NRG2: variants seen among roughly 807,000 people sequenced by gnomAD.
The protein encoded by NRG2 is pro-neuregulin-2, membrane-bound isoform.
NRG2 carries 27 observed loss-of-function variants against 73.9 expected under a neutral mutation model. The observed-to-expected ratio is 0.37, with a 90% confidence interval of 0.27 to 0.50. The LOEUF is 0.50. Ranked by LOEUF, NRG2 falls within the 20% of genes least tolerant of loss-of-function variation. The pLI is 0.96. For synonymous variants in NRG2, 532 were observed against 541.0 expected, an observed-to-expected ratio of 0.98 and a Z score of 0.23; for missense variants, 1,126 against 1,210.1, an observed-to-expected ratio of 0.93 and a Z score of 1.03.
At chr5:139,889,776 T>C (rs942063078) in intron 1 of NRG2, among the ~76,000 whole-genome samples, 1 of 152,204 alleles carries the variant, frequency 6.6e-6, no homozygotes, top group Non-Finnish European at 1.5e-5. Flanking sequence ...ATCCAGACTT[T>C]GCTACTTGTT....
At chr5:139,871,596 T>G (rs754609775) in intron 4 of NRG2, 125 bp downstream of exon 4, 28 of 1,266,536 alleles carry the variant, frequency 2.2e-5, no homozygotes, top group Admixed American at 2.2e-4. Context: ...CAAAGCTTCC[T>G]GTCTACACCC....
chr5:139,998,211 C>T (rs1455359996), intron 1 of NRG2, among the ~76,000 whole-genome samples: 2 of 152,160 alleles, frequency 1.3e-5, no homozygotes, highest in Non-Finnish European at 2.9e-5. Flanking sequence ...TTGGGTAAAC[C>T]ACTTAACTTC....
chr5:140,024,021 G>C (rs748941372), intron 1 of NRG2, among the ~76,000 whole-genome samples: 2 of 152,104 alleles, frequency 1.3e-5, no homozygotes, highest in Non-Finnish European at 2.9e-5. Flanking sequence ...AGGTCAAACA[G>C]ACGTAAAACT....
At position 139,852,318 on chromosome 5, in the gene NRG2, G is replaced by C; in HGVS notation, c.1544+114C>G. 1 of 1,341,316 alleles carries C rather than the reference G, an allele frequency of 7.5e-7. No individual in the cohort carries two copies. 83.1% of individuals were successfully genotyped at this position (1,341,316 alleles called of 1,614,324 possible). A position where few individuals can be genotyped will look rare whatever the true frequency, so the allele number is the denominator to read the frequency against. On this transcript the variant is annotated intron_variant, in intron 8 of 9. Coordinates refer to ENST00000361474, the MANE Select transcript of NRG2 (RefSeq NM_004883.3). This position sits in a 1 kb window ranked among gnomAD's most constrained non-coding sequence, Gnocchi z 4.4. ...GAGGCTAAGGTGTGCTGTGATTCCT[G>C]TGGCAAGCTCAGGGGAGGGTATTGA...
At chr5:140,001,551 C>T (rs138537176) in intron 1 of NRG2, among the ~76,000 whole-genome samples, 2 of 152,178 alleles carry the variant, frequency 1.3e-5, no homozygotes, top group Admixed American at 6.5e-5. Context: ...TGCTATTTGC[C>T]AAGCACTATT....
rs1762636299 is a variant in NRG2 at position 139,868,517 on chromosome 5, G to T, written c.1113-2892C>A. On this transcript the variant is annotated intron_variant, in intron 4 of 9. Transcript: ENST00000361474. The surrounding 1 kb of genome is among the most constrained non-coding windows in gnomAD (Gnocchi z 4.2). ...CCCAGCCTTTCCCACCAGGTCATCA[G>T]TTATGACTCTGGGGAAGGTCTGTCC... is the stretch of plus-strand genomic sequence containing the variant. Among the ~76,000 whole-genome samples, 1 of 152,054 alleles carries T rather than the reference G, an allele frequency of 6.6e-6. No homozygotes were observed. The highest frequency in any genetic ancestry group is 2.1e-4 in the South Asian group (1 of 4,816).
chr5:139,885,806 G>A (rs1261431565), intron 2 of NRG2, among the ~76,000 whole-genome samples: 2 of 151,980 alleles, frequency 1.3e-5, no homozygotes, highest in East Asian at 3.9e-4. Flanking sequence ...TTGTAGACAT[G>A]TTTGGGAGCC....
intron 1 of NRG2, among the ~76,000 whole-genome samples, chr5:140,032,790 A>G (rs1055636849): frequency 1.3e-5 from 2 of 152,162 alleles, no homozygotes; most frequent in Non-Finnish European, 2.9e-5. Flanking sequence ...AAAAATAAAC[A>G]CTACTTCTTG....
chr5:139,851,956 C>T lies in NRG2; in HGVS notation c.1545-125G>A. On this transcript the variant is annotated intron_variant, in intron 8 of 9. Coordinates refer to ENST00000361474, the MANE Select transcript of NRG2 (RefSeq NM_004883.3). The surrounding 1 kb of genome is among the most constrained non-coding windows in gnomAD (Gnocchi z 4.2). ...GCTCCCTTAGCTCAATGCCCTTCTC[C>T]ACTCTGGGGTGATGTGTATTGTTGC... The T allele has an allele frequency of 1.3e-6, 1 of 753,632 alleles. No individual in the cohort carries two copies. Among genetic ancestry groups the T allele is most frequent in the Non-Finnish European group, 2.2e-6 (1 of 458,340 alleles). 46.7% of individuals were successfully genotyped at this position (753,632 alleles called of 1,614,324 possible).
At chr5:139,981,702 G>A (rs1756813485) in intron 1 of NRG2, among the ~76,000 whole-genome samples, 1 of 152,220 alleles carries the variant, frequency 6.6e-6, no homozygotes. Flanking sequence ...GGAAGACCCA[G>A]TTCAGCATTA....
Position 139,871,762 on chromosome 5 carries a change from G to A in NRG2, c.1071C>T (p.Gly357=), listed in dbSNP as rs1218781068. 8 of 1,613,942 alleles carry A rather than the reference G, an allele frequency of 5.0e-6. No individual in the cohort carries two copies. The highest frequency in any genetic ancestry group is 2.7e-5 in the African/African-American group (2 of 74,886). Residue 357 remains glycine, a synonymous_variant, in exon 4 of 10, where the codon GGC becomes GGT. Coordinates refer to ENST00000361474, the MANE Select transcript of NRG2 (RefSeq NM_004883.3). The part of the protein sequence containing the change: ...ETAKSYCVNG[G]VCYYIEGINQ... ...TGATGCCCTCGATGTAGTAGCAGAC[G>A]CCTCCATTGACGCAATAGGACTTGG... is the stretch of plus-strand genomic sequence containing the variant.
At chr5:139,886,610 G>A (rs929009971) in intron 2 of NRG2, among the ~76,000 whole-genome samples, 3 of 152,190 alleles carry the variant, frequency 2.0e-5, no homozygotes, top group African/African-American at 4.8e-5. Context: ...GCAGGCAGGG[G>A]TTTTCCCCCT....
intron 1 of NRG2, among the ~76,000 whole-genome samples, chr5:139,971,918 T>G (rs890335845): frequency 1.3e-5 from 2 of 152,060 alleles, no homozygotes; most frequent in Non-Finnish European, 2.9e-5. Context: ...AAACGTAGAA[T>G]AGCCAAGAAA....
chr5:139,984,631 T>G (rs1454936989), intron 1 of NRG2, among the ~76,000 whole-genome samples: 3 of 152,248 alleles, frequency 2.0e-5, no homozygotes, highest in Non-Finnish European at 1.5e-5. Context: ...TTTATTAACT[T>G]TTAAAATAAG....
chr5:139,937,100 C>A (rs1752908199), intron 1 of NRG2, among the ~76,000 whole-genome samples: 1 of 152,114 alleles, frequency 6.6e-6, no homozygotes, highest in South Asian at 2.1e-4. Context: ...CCGTGCCTGG[C>A]CAGGAAATAA....
intron 1 of NRG2, among the ~76,000 whole-genome samples, chr5:139,924,192 G>T (rs1408389906): frequency 6.6e-6 from 1 of 152,184 alleles, no homozygotes; most frequent in Non-Finnish European, 1.5e-5. Context: ...GATCCTAGAT[G>T]GGGGAGAGCC....
chr5:139,879,483 GA>G (rs1252443444), intron 3 of NRG2, among the ~76,000 whole-genome samples: 1 of 152,202 alleles, frequency 6.6e-6, no homozygotes, highest in African/African-American at 2.4e-5. Flanking sequence ...CAGTAGGAAA[GA>G]ATGAGGCCAA....
intron 1 of NRG2, among the ~76,000 whole-genome samples, chr5:139,986,382 A>G (rs1254039172): frequency 6.6e-6 from 1 of 152,172 alleles, no homozygotes; most frequent in Non-Finnish European, 1.5e-5. Flanking sequence ...TAAATTGGTG[A>G]TCAGACTTCT....
intron 5 of NRG2, chr5:139,861,723 A>C: frequency 1.9e-6 from 1 of 516,792 alleles, no homozygotes; most frequent in South Asian, 1.4e-5. Context: ...AGGGCTGGTC[A>C]GGCGTGCTGA....
Sources: allele counts gnomAD v4.1 joint callset (sites outside exome capture counted in the v4.1 genomes callset), GRCh38; gene constraint gnomAD v4.1.1; non-coding constraint Gnocchi (gnomAD v3.1); transcripts MANE v1.5; gene names NCBI Gene and HGNC (gene_info 2026-07-23, HGNC 2026-07-21).